Variants in IQSEC1 observed in about 807,000 individuals in gnomAD.
The protein encoded by IQSEC1 is IQ motif and Sec7 domain ArfGEF 1.
Under a neutral mutation model 91.0 loss-of-function variants are expected in IQSEC1, and 31 were observed. That is an observed-to-expected ratio of 0.34 (90% CI 0.26 to 0.46). The LOEUF is 0.46. IQSEC1 is among the 20% of genes least tolerant of loss of function. The pLI, the probability that IQSEC1 is intolerant of heterozygous loss-of-function variation, is 1.00. For synonymous variants in IQSEC1, 699 were observed against 662.6 expected (o/e 1.05, Z -0.84); for missense variants, 1,388 against 1,575.6 (o/e 0.88, Z 2.02).
chr3:13,101,813 T>C (rs1478509499), intron 2 of IQSEC1, among the ~76,000 whole-genome samples: 1 of 152,118 alleles, frequency 6.6e-6, no homozygotes, highest in East Asian at 1.9e-4. Flanking sequence ...AATTTTATTG[T>C]TTCAGAGATA....
chr3:13,035,805 G>C lies in IQSEC1; in HGVS notation c.23+37187C>G, dbSNP rs907380200. Among the ~76,000 whole-genome samples, 7 of 152,344 alleles carry C rather than the reference G, an allele frequency of 4.6e-5. No individual in the cohort carries two copies. In the East Asian group the frequency reaches 1.4e-3, roughly 29 times the overall value. On this transcript the variant is annotated intron_variant, in intron 1 of 13. Transcript: ENST00000613206. ...AAGATCATGCCATAGAAGCGATGCT[G>C]TGTGTCTTCTGAGGCCTGGTCATAA...
At chr3:13,011,725 CT>C (rs1702891329) in intron 1 of IQSEC1, among the ~76,000 whole-genome samples, 1 of 152,264 alleles carries the variant, frequency 6.6e-6, no homozygotes, top group Non-Finnish European at 1.5e-5. Flanking sequence ...TTTCACACCC[CT>C]GTTCTGTAGG....
rs115247087 is a variant in IQSEC1 at position 13,049,624 on chromosome 3, T to C, written c.23+23368A>G. ...ATCGCCCTTCAAAACCCTGCTCAAA[T>C]GTCAACCCCTTTCTCTGTCTACCTT... is the stretch of plus-strand genomic sequence containing the variant. On this transcript the variant is annotated intron_variant, in intron 1 of 13. Coordinates refer to ENST00000613206, the MANE Select transcript of IQSEC1 (RefSeq NM_001134382.3). Among the ~76,000 whole-genome samples the C allele has an allele frequency of 5.0e-3, 766 of 152,308 alleles. 9 individuals are homozygous for C. The highest frequency in any genetic ancestry group is 0.018 in the African/African-American group (737 of 41,582).
chr3:13,271,709 T>A (rs1695593423), intron 1 of IQSEC1, among the ~76,000 whole-genome samples: 1 of 152,200 alleles, frequency 6.6e-6, no homozygotes, highest in Non-Finnish European at 1.5e-5. Flanking sequence ...TAGGGAGGAT[T>A]GCTTGAGCCC....
chr3:13,190,282 T>G (rs867426026), intron 1 of IQSEC1, among the ~76,000 whole-genome samples: 1 of 151,978 alleles, frequency 6.6e-6, no homozygotes, highest in East Asian at 1.9e-4. Context: ...GCTCCATGAG[T>G]GCGAGTGGGG....
chr3:13,275,088 T>C (rs1035750273), intron 1 of IQSEC1, among the ~76,000 whole-genome samples: 2 of 152,200 alleles, frequency 1.3e-5, no homozygotes, highest in African/African-American at 4.8e-5. Flanking sequence ...CTTAACTTCT[T>C]TGAGCCTCAG....
At chr3:13,155,586 A>G (rs1707073839) in intron 2 of IQSEC1, among the ~76,000 whole-genome samples, 1 of 152,242 alleles carries the variant, frequency 6.6e-6, no homozygotes, top group South Asian at 2.1e-4. Flanking sequence ...CAACTCTTCC[A>G]AAAACTTCAA....
In IQSEC1 at chr3:12,920,229, G is replaced by A. The variant is rs114848716; in HGVS notation, c.2020+201C>T. Among the ~76,000 whole-genome samples the A allele has an allele frequency of 7.1e-3, 1,079 of 152,340 alleles. 12 individuals are homozygous for A. Among genetic ancestry groups the A allele is most frequent in the African/African-American group, 0.023 (968 of 41,582 alleles). The stretch of plus-strand genomic sequence containing the variant: ...GACCCCGGCCTGTGTCATGCAGCCT[G>A]TGTCCCACGGGGGCTCCTCTAAGGC... On this transcript the variant is annotated intron_variant, in intron 6 of 13. Coordinates refer to ENST00000613206, the MANE Select transcript of IQSEC1 (RefSeq NM_001134382.3).
intron 3 of IQSEC1, among the ~76,000 whole-genome samples, chr3:12,928,809 C>T (rs1468426309): frequency 6.6e-6 from 1 of 152,194 alleles, no homozygotes; most frequent in Non-Finnish European, 1.5e-5. Context: ...ACTTTCCCGC[C>T]TGCCCTGGGG....
rs1027989255 is a variant in IQSEC1 at position 12,935,359 on chromosome 3, T to G, written c.1568+89A>C. On this transcript the variant is annotated intron_variant, in intron 3 of 13. Coordinates refer to ENST00000613206, the MANE Select transcript of IQSEC1 (RefSeq NM_001134382.3). This position sits in a 1 kb window ranked among gnomAD's most constrained non-coding sequence, Gnocchi z 8.0. ...TCATAGGCCACGGTGGACCTCAAGC[T>G]CCGTGCTTGGAAGGATGCAGCCACG... 6.1e-6 allele frequency: 8 copies of G among 1,317,210 alleles called. No individual in the cohort carries two copies. The African/African-American group carries it at 1.2e-4, about 19-fold the overall frequency. The allele number at this position is 1,317,210 out of a possible 1,614,324, so 81.6% of individuals were successfully genotyped here.
chr3:12,931,498 A>G (rs543803478), intron 3 of IQSEC1, among the ~76,000 whole-genome samples: 67 of 152,192 alleles, frequency 4.4e-4, no homozygotes, highest in Non-Finnish European at 7.5e-4. Flanking sequence ...GGTGTTCGGC[A>G]TGGGGCCTGG....
intron 1 of IQSEC1, among the ~76,000 whole-genome samples, chr3:13,186,458 G>A (rs1387236696): frequency 6.6e-6 from 1 of 152,168 alleles, no homozygotes; most frequent in African/African-American, 2.4e-5. Context: ...AAGTCGGCTG[G>A]GAGTGGGAAA....
At chr3:13,175,132 C>T (rs770745486) in intron 1 of IQSEC1, among the ~76,000 whole-genome samples, 13 of 152,160 alleles carry the variant, frequency 8.5e-5, no homozygotes, top group Non-Finnish European at 7.4e-5. Context: ...TCTGTCTGCA[C>T]GTGACAGCTA....
upstream of IQSEC1, among the ~76,000 whole-genome samples, chr3:13,073,486 T>C (rs1271292175): frequency 6.6e-6 from 1 of 151,998 alleles, no homozygotes; most frequent in Non-Finnish European, 1.5e-5. Context: ...AGGAGCAACG[T>C]AGTGCGGCCG....
Position 12,945,882 on chromosome 3 carries a change from A to G in IQSEC1, c.24-4017T>C, listed in dbSNP as rs372442478. 4.8e-4 allele frequency among the ~76,000 whole-genome samples: 73 copies of G among 152,368 alleles called. No homozygotes were observed. In the East Asian group the frequency reaches 0.012, roughly 25 times the overall value. ...GACTCTGCTGCTAGGAGTATAAATC[A>G]GGACAGGAAGTTATCGAACTTAAAT... is the stretch of plus-strand genomic sequence containing the variant. On this transcript the variant is annotated intron_variant, in intron 1 of 13. Coordinates refer to ENST00000613206, the MANE Select transcript of IQSEC1 (RefSeq NM_001134382.3).
rs1418122602 is a variant in IQSEC1, at chr3:13,008,719, G to T, written c.23+64273C>A. Among the ~76,000 whole-genome samples, 2 of 152,336 alleles carry T rather than the reference G, an allele frequency of 1.3e-5. No individual in the cohort carries two copies. The highest frequency in any genetic ancestry group is 2.9e-5 in the Non-Finnish European group (2 of 68,044). On this transcript the variant is annotated intron_variant, in intron 1 of 13. Transcript: ENST00000613206. This position sits in a 1 kb window ranked among gnomAD's most constrained non-coding sequence, Gnocchi z 4.1. Reference sequence around the variant, plus strand: ...TGGTGTCCTCACTGCTTTGAGCGGTGCTGGGCACACAGTCAATATTAGTTG... The same window carrying T: ...TGGTGTCCTCACTGCTTTGAGCGGTTCTGGGCACACAGTCAATATTAGTTG...
intron 1 of IQSEC1, among the ~76,000 whole-genome samples, chr3:12,971,387 G>A (rs943700326): frequency 1.3e-5 from 2 of 152,206 alleles, no homozygotes; most frequent in African/African-American, 4.8e-5. Context: ...TGCACATAGA[G>A]GCATGCCCAA....
chr3:13,221,662 C>G (rs978055905), intron 1 of IQSEC1, among the ~76,000 whole-genome samples: 1 of 152,254 alleles, frequency 6.6e-6, no homozygotes, highest in Non-Finnish European at 1.5e-5. Flanking sequence ...GGCGGCTCTC[C>G]GTCTCCTGCC....
At chr3:13,268,346 A>T (rs1695532645) in intron 1 of IQSEC1, among the ~76,000 whole-genome samples, 2 of 152,238 alleles carry the variant, frequency 1.3e-5, no homozygotes, top group Non-Finnish European at 2.9e-5. Flanking sequence ...GGCTGCACAG[A>T]TAAAAAAGGA....
Sources: allele counts gnomAD v4.1 joint callset (sites outside exome capture counted in the v4.1 genomes callset), GRCh38; gene constraint gnomAD v4.1.1; non-coding constraint Gnocchi (gnomAD v3.1); transcripts MANE v1.5; gene names NCBI Gene and HGNC (gene_info 2026-07-23, HGNC 2026-07-21).